Variants in ABTB3 observed in about 807,000 individuals in gnomAD.
ABTB3 encodes the protein ankyrin repeat and BTB domain containing 3.
At chr12:107,380,013 C>T in the ABTB3 span, among the ~76,000 whole-genome samples, 1 of 152,200 alleles carries the variant, frequency 6.6e-6, no homozygotes, top group Non-Finnish European at 1.5e-5. Flanking sequence ...TCCAGCGGAA[C>T]AGATTCTCAG....
At chr12:107,353,752 G>A in the ABTB3 span, among the ~76,000 whole-genome samples, 5 of 152,142 alleles carry the variant, frequency 3.3e-5, no homozygotes, top group African/African-American at 9.7e-5. Flanking sequence ...CGGATCAGCG[G>A]CAACATTGGA....
At chr12:107,320,016 C>T in the ABTB3 span, 1 of 1,568,330 alleles carries the variant, frequency 6.4e-7, no homozygotes, top group Non-Finnish European at 8.7e-7. Context: ...AACAACGACT[C>T]GGAGATCTGG....
At chr12:107,326,610 A>AT in the ABTB3 span, among the ~76,000 whole-genome samples, 227 of 152,122 alleles carry the variant, frequency 1.5e-3, no homozygotes, top group African/African-American at 5.3e-3. Flanking sequence ...AGGAACCCAC[A>AT]TTTTTTCTGA....
At chr12:107,645,155 C>T in the ABTB3 span, among the ~76,000 whole-genome samples, 2 of 152,066 alleles carry the variant, frequency 1.3e-5, no homozygotes, top group East Asian at 1.9e-4. Context: ...TTAGTAGAGA[C>T]GGGGTTTTTC....
the ABTB3 span, among the ~76,000 whole-genome samples, chr12:107,565,941 A>G: frequency 1.3e-5 from 2 of 152,222 alleles, no homozygotes; most frequent in African/African-American, 2.4e-5. Flanking sequence ...CCAGCTTAGT[A>G]AGTAGCCCTT....
At chr12:107,652,994 C>T in the ABTB3 span, among the ~76,000 whole-genome samples, 1 of 152,166 alleles carries the variant, frequency 6.6e-6, no homozygotes, top group African/African-American at 2.4e-5. Flanking sequence ...TCACTGCAAC[C>T]TCCTCCTGGG....
chr12:107,456,358 A>G, the ABTB3 span, among the ~76,000 whole-genome samples: 4 of 152,258 alleles, frequency 2.6e-5, no homozygotes, highest in African/African-American at 9.6e-5. Flanking sequence ...CTGTATTTAT[A>G]GTCGTTTCCC....
At chr12:107,363,840 G>A in the ABTB3 span, among the ~76,000 whole-genome samples, 1 of 152,194 alleles carries the variant, frequency 6.6e-6, no homozygotes, top group South Asian at 2.1e-4. Context: ...GTGTGAGTGA[G>A]GAAATACAGG....
chr12:107,508,956 T>C, the ABTB3 span, among the ~76,000 whole-genome samples: 1 of 152,168 alleles, frequency 6.6e-6, no homozygotes, highest in Non-Finnish European at 1.5e-5. Flanking sequence ...TGTGACATTT[T>C]CATAGCTACC....
chr12:107,406,323 G>A, the ABTB3 span, among the ~76,000 whole-genome samples: 3 of 152,218 alleles, frequency 2.0e-5, no homozygotes, highest in Admixed American at 6.5e-5. Flanking sequence ...CCAGCTATTT[G>A]GGAGGCTGAG....
At chr12:107,368,390 A>G in the ABTB3 span, among the ~76,000 whole-genome samples, 1 of 152,254 alleles carries the variant, frequency 6.6e-6, no homozygotes, top group African/African-American at 2.4e-5. Flanking sequence ...CTGCAAGCCT[A>G]CTATGAATCT....
At chr12:107,456,645 T>C in the ABTB3 span, among the ~76,000 whole-genome samples, 4 of 152,248 alleles carry the variant, frequency 2.6e-5, no homozygotes, top group Non-Finnish European at 4.4e-5. Flanking sequence ...GCAATAAATG[T>C]AATGCACTTG....
At chr12:107,400,823 G>T in the ABTB3 span, among the ~76,000 whole-genome samples, 3 of 152,116 alleles carry the variant, frequency 2.0e-5, no homozygotes, top group African/African-American at 7.2e-5. Flanking sequence ...TCCCTTCGCT[G>T]GTTTGTACAA....
the ABTB3 span, among the ~76,000 whole-genome samples, chr12:107,459,932 T>C: frequency 6.6e-6 from 1 of 152,080 alleles, no homozygotes; most frequent in Non-Finnish European, 1.5e-5. Context: ...TCAGTGACTC[T>C]AAAGCAGCCA....
chr12:107,654,959 T>G, the ABTB3 span, among the ~76,000 whole-genome samples: 2 of 150,902 alleles, frequency 1.3e-5, no homozygotes, highest in Non-Finnish European at 3.0e-5. Flanking sequence ...AAGAGAGGGC[T>G]CTCTCTCTCT....
chr12:107,610,238 C>A, the ABTB3 span: 2 of 1,614,180 alleles, frequency 1.2e-6, no homozygotes, highest in Non-Finnish European at 1.7e-6. Context: ...CGGTGGCCAT[C>A]GAAGCCAAGT....
the ABTB3 span, chr12:107,319,727 G>T: frequency 5.9e-6 from 9 of 1,530,726 alleles, no homozygotes; most frequent in African/African-American, 1.1e-4. Flanking sequence ...GAGCTGCAGT[G>T]GCCCTGGGTC....
chr12:107,515,865 G>A, the ABTB3 span, among the ~76,000 whole-genome samples: 2 of 152,186 alleles, frequency 1.3e-5, no homozygotes, highest in South Asian at 2.1e-4. Context: ...TGCCCATGTC[G>A]ACCCATTAGT....
chr12:107,600,194 G>A, the ABTB3 span, among the ~76,000 whole-genome samples: 1 of 152,184 alleles, frequency 6.6e-6, no homozygotes, highest in African/African-American at 2.4e-5. Context: ...GAGCTGAGGA[G>A]TCAGGATGCC....
Sources: allele counts gnomAD v4.1 joint callset (sites outside exome capture counted in the v4.1 genomes callset), GRCh38; gene constraint gnomAD v4.1.1; transcripts MANE v1.5; gene names NCBI Gene and HGNC (gene_info 2026-07-23, HGNC 2026-07-21).